GRIN2B: variants seen among roughly 807,000 people sequenced by gnomAD.
GRIN2B encodes glutamate receptor ionotropic, NMDA 2B.
A neutral mutation model predicts 114.5 loss-of-function variants in GRIN2B; 5 were observed. That is an observed-to-expected ratio of 0.04 (90% CI 0.02 to 0.09). The LOEUF is 0.09. Among genes scored for constraint, GRIN2B ranks in the 10% least tolerant of loss-of-function variants. The probability of loss-of-function intolerance (pLI) is 1.00; values close to 1 mark genes in which losing one functional copy is unlikely to be tolerated. For synonymous variants in GRIN2B, 787 were observed against 745.1 expected (o/e 1.06, Z -0.92); for missense variants, 1,108 against 1,943.5 (o/e 0.57, Z 8.08).
At chr12:13,717,987 T>G (rs1400916843) in intron 4 of GRIN2B, among the ~76,000 whole-genome samples, 1 of 152,026 alleles carries the variant, frequency 6.6e-6, no homozygotes, top group Non-Finnish European at 1.5e-5. Context: ...TTAATGTCTT[T>G]CCTCTTCGTT....
chr12:13,805,229 C>T (rs1287044780), intron 3 of GRIN2B, among the ~76,000 whole-genome samples: 6 of 152,148 alleles, frequency 3.9e-5, no homozygotes, highest in African/African-American at 1.2e-4. Flanking sequence ...TGCAATGACT[C>T]ACTGAGGTTA....
rs776611851 is a variant in GRIN2B, at chr12:13,548,601, T to C, written c.*14182A>G. ...GACCTGTTTTTCAGGATCATCATGA[T>C]CCAGGTATCTGTAATGACACTCATG... is the stretch of plus-strand genomic sequence containing the variant. On this transcript the variant is annotated 3_prime_UTR_variant, in exon 14 of 14. Coordinates refer to ENST00000609686, the MANE Select transcript of GRIN2B (RefSeq NM_000834.5). The C allele has an allele frequency of 2.0e-5, 3 of 151,942 alleles. No homozygotes were observed. The highest frequency in any genetic ancestry group is 4.4e-5 in the Non-Finnish European group (3 of 67,976). 9.4% of individuals were successfully genotyped at this position (151,942 alleles called of 1,614,324 possible). A position where few individuals can be genotyped will look rare whatever the true frequency, so the allele number is the denominator to read the frequency against.
intron 5 of GRIN2B, among the ~76,000 whole-genome samples, chr12:13,632,388 G>A (rs906136918): frequency 1.3e-5 from 2 of 152,234 alleles, no homozygotes; most frequent in Non-Finnish European, 2.9e-5. Context: ...GCCAGCCCAG[G>A]AGAATAGATA....
rs1948230266 is a variant in GRIN2B at position 13,537,717 on chromosome 12, A to C, written c.*25066T>G. ...TTTTCAACCCCTAACCCCTCCAGCC[A>C]CCCAGGACAATTGAATGAGACTCTC... On this transcript the variant is annotated 3_prime_UTR_variant, in exon 14 of 14. Transcript: ENST00000609686. The C allele has an allele frequency of 6.6e-6, 1 of 152,230 alleles. No individual in the cohort carries two copies. Among genetic ancestry groups the C allele is most frequent in the Non-Finnish European group, 1.5e-5 (1 of 68,104 alleles). The allele number at this position is 152,230 out of a possible 1,614,324, so 9.4% of individuals were successfully genotyped here.
chr12:13,853,098 G>T (rs1865599610), intron 3 of GRIN2B, among the ~76,000 whole-genome samples: 1 of 152,150 alleles, frequency 6.6e-6, no homozygotes, highest in Non-Finnish European at 1.5e-5. Flanking sequence ...AATCTCAAGG[G>T]CTACCTCCTC....
At chr12:13,598,063 A>C (rs914691403) in intron 10 of GRIN2B, among the ~76,000 whole-genome samples, 2 of 152,118 alleles carry the variant, frequency 1.3e-5, no homozygotes, top group South Asian at 4.1e-4. Flanking sequence ...GGAAAAGAGG[A>C]GATGCAGAGG....
chr12:13,743,502 G>A (rs910937142), intron 4 of GRIN2B, among the ~76,000 whole-genome samples: 5 of 151,960 alleles, frequency 3.3e-5, no homozygotes, highest in African/African-American at 7.3e-5. Flanking sequence ...AGGGAAATTT[G>A]ACACATTATT....
intron 3 of GRIN2B, among the ~76,000 whole-genome samples, chr12:13,783,309 A>C (rs1040043596): frequency 1.3e-4 from 20 of 152,190 alleles, no homozygotes; most frequent in Non-Finnish European, 2.2e-4. Context: ...GAAAAGAGTA[A>C]GTTAGTGATT....
At chr12:13,650,211 C>T (rs976597502) in intron 5 of GRIN2B, among the ~76,000 whole-genome samples, 1 of 152,064 alleles carries the variant, frequency 6.6e-6, no homozygotes, top group African/African-American at 2.4e-5. Context: ...TCCTTCCTCT[C>T]CTCCATGTGG....
intron 3 of GRIN2B, among the ~76,000 whole-genome samples, chr12:13,846,828 A>G (rs1260172095): frequency 1.3e-5 from 2 of 152,188 alleles, no homozygotes; most frequent in Non-Finnish European, 2.9e-5. Context: ...AAATGGAAAG[A>G]GAAGCACAAA....
intron 2 of GRIN2B, among the ~76,000 whole-genome samples, chr12:13,964,382 A>G (rs1182577602): frequency 2.0e-5 from 3 of 152,232 alleles, no homozygotes; most frequent in African/African-American, 2.4e-5. Context: ...CACAGCAAAG[A>G]GGCCCTGCCC....
At chr12:13,684,945 G>C (rs1950164265) in intron 4 of GRIN2B, among the ~76,000 whole-genome samples, 1 of 152,142 alleles carries the variant, frequency 6.6e-6, no homozygotes, top group Non-Finnish European at 1.5e-5. Flanking sequence ...CAGGGGCTAT[G>C]TAAACAATGA....
chr12:13,756,642 G>C (rs1480522413), intron 3 of GRIN2B, among the ~76,000 whole-genome samples: 1 of 152,144 alleles, frequency 6.6e-6, no homozygotes, highest in Admixed American at 6.5e-5. Context: ...TACAAGCTTG[G>C]GATGAAAGGG....
In GRIN2B at chr12:13,643,048, A is replaced by G. The variant is rs996095655; in HGVS notation, c.1126-26391T>C. On this transcript the variant is annotated intron_variant, in intron 5 of 13. Coordinates refer to ENST00000609686, the MANE Select transcript of GRIN2B (RefSeq NM_000834.5). ...ACAATAGAGAACTGTCTCTTTTTCA[A>G]TGATGAATGACCATCAACTTAGTCT... Among the ~76,000 whole-genome samples, 14 of 152,218 alleles carry G rather than the reference A, an allele frequency of 9.2e-5. No homozygotes were observed. The East Asian group carries it at 2.1e-3, about 23-fold the overall frequency.
intron 5 of GRIN2B, among the ~76,000 whole-genome samples, chr12:13,667,514 A>G (rs1949989173): frequency 6.6e-6 from 1 of 152,218 alleles, no homozygotes; most frequent in African/African-American, 2.4e-5. Flanking sequence ...ACCAACTCTG[A>G]AATTATTTTC....
At chr12:13,754,926 G>GATA (rs1398909457) in intron 3 of GRIN2B, among the ~76,000 whole-genome samples, 13 of 152,242 alleles carry the variant, frequency 8.5e-5, no homozygotes, top group East Asian at 1.9e-4. Flanking sequence ...GAGATATCAA[G>GATA]TCCTGCATTT....
intron 2 of GRIN2B, among the ~76,000 whole-genome samples, chr12:13,928,051 C>G (rs1866951022): frequency 6.6e-6 from 1 of 150,842 alleles, no homozygotes. Context: ...GTGGCACAAC[C>G]TGTAATCCCG....
At chr12:13,605,442 G>T (rs1299084191) in intron 10 of GRIN2B, among the ~76,000 whole-genome samples, 4 of 151,858 alleles carry the variant, frequency 2.6e-5, no homozygotes, top group African/African-American at 9.7e-5. Context: ...CAGGATATCA[G>T]ATGCAGGAAC....
chr12:13,622,454 C>A (rs1276310707), intron 5 of GRIN2B, among the ~76,000 whole-genome samples: 5 of 152,130 alleles, frequency 3.3e-5, no homozygotes, highest in African/African-American at 7.2e-5. Context: ...CACTTCCCCA[C>A]CCCCAAAGCT....
Sources: gnomAD v4.1 joint callset for allele counts (sites outside exome capture counted in the v4.1 genomes callset) on GRCh38, gnomAD v4.1.1 for gene constraint, MANE v1.5 for transcripts, NCBI Gene and HGNC (gene_info 2026-07-23, HGNC 2026-07-21) for gene names.